ZNF423: variants seen among roughly 807,000 people sequenced by gnomAD.
ZNF423 encodes the protein Ebf-associated zinc finger protein.
In ZNF423, 12 loss-of-function variants were observed where a neutral mutation model predicts 95.8. The ratio of observed to expected loss-of-function variants is 0.13; its 90% CI spans 0.08 to 0.20. The LOEUF (loss-of-function observed/expected upper bound fraction) is 0.20, where lower values mean the gene tolerates loss of function less well. Among genes scored for constraint, ZNF423 ranks in the 10% least tolerant of loss-of-function variants. ZNF423 has a pLI of 1.00. For synonymous variants in ZNF423, 749 were observed against 711.9 expected (o/e 1.05, Z -0.83); for missense variants, 1,316 against 1,737.1 (o/e 0.76, Z 4.31).
At chr16:49,709,363 G>T (rs984083677) in intron 3 of ZNF423, among the ~76,000 whole-genome samples, 1 of 151,960 alleles carries the variant, frequency 6.6e-6, no homozygotes, top group Admixed American at 6.6e-5. Flanking sequence ...CTTCCCTGAA[G>T]CAGGGGTTCT....
Position 49,502,369 on chromosome 16 carries a change from C to T in ZNF423, c.3850-11065G>A, listed in dbSNP as rs184863150. 1.6e-4 allele frequency among the ~76,000 whole-genome samples: 25 copies of T among 152,316 alleles called. No individual in the cohort carries two copies. In the East Asian group the frequency reaches 3.3e-3, roughly 20 times the overall value. Reference sequence around the variant, plus strand: ...CATCCATATGTCCTGGGTTCTGCTGCCTCATGGGCATTCCCACCCAGCCAG... The same window carrying T: ...CATCCATATGTCCTGGGTTCTGCTGTCTCATGGGCATTCCCACCCAGCCAG... On this transcript the variant is annotated intron_variant, in intron 7 of 7. Transcript: ENST00000563137.
At chr16:49,726,202 G>A (rs371277007) in intron 3 of ZNF423, among the ~76,000 whole-genome samples, 10 of 152,200 alleles carry the variant, frequency 6.6e-5, no homozygotes, top group East Asian at 5.8e-4. Flanking sequence ...GCATGACAGC[G>A]CAGACGGAGC....
At chr16:49,552,760 G>T (rs1457711706) in intron 5 of ZNF423, among the ~76,000 whole-genome samples, 2 of 152,042 alleles carry the variant, frequency 1.3e-5, no homozygotes, top group Non-Finnish European at 2.9e-5. Context: ...CCTCACACAG[G>T]GTCCTGCCTG....
At chr16:49,548,417 C>A (rs1160772520) in intron 5 of ZNF423, among the ~76,000 whole-genome samples, 1 of 152,104 alleles carries the variant, frequency 6.6e-6, no homozygotes, top group Non-Finnish European at 1.5e-5. Context: ...ATTATGACTT[C>A]ATTCACTGAT....
intron 3 of ZNF423, among the ~76,000 whole-genome samples, chr16:49,644,338 G>C (rs1383032018): frequency 3.3e-5 from 5 of 152,020 alleles, no homozygotes; most frequent in Non-Finnish European, 7.4e-5. Context: ...TCCTGAGCTG[G>C]GCAGTTCCAT....
At chr16:49,570,459 A>G (rs992987475) in intron 5 of ZNF423, among the ~76,000 whole-genome samples, 3 of 152,208 alleles carry the variant, frequency 2.0e-5, no homozygotes, top group Admixed American at 1.3e-4. Flanking sequence ...CTTCATTTAT[A>G]TGGTGAGTTG....
In ZNF423 at chr16:49,855,143, A is replaced by AG; in HGVS notation, c.40+591dup. On this transcript the variant is annotated intron_variant, in intron 1 of 7. Coordinates refer to ENST00000563137, the MANE Select transcript of ZNF423 (RefSeq NM_001379286.1). The surrounding 1 kb of genome is among the most constrained non-coding windows in gnomAD (Gnocchi z 4.7). ...GGGAGAAGGCCTGGGCAGGGGCGGG[A>AG]GGGGGCGCCAGGCGGCCGGGGCGAG... The AG allele has an allele frequency of 1.8e-6, 1 of 547,314 alleles. No individual in the cohort carries two copies. The highest frequency in any genetic ancestry group is 2.3e-6 in the Non-Finnish European group (1 of 436,302). 33.9% of individuals were successfully genotyped at this position (547,314 alleles called of 1,614,324 possible). A position where few individuals can be genotyped will look rare whatever the true frequency, so the allele number is the denominator to read the frequency against.
chr16:49,753,281 G>A (rs947113829), intron 2 of ZNF423, among the ~76,000 whole-genome samples: 3 of 151,818 alleles, frequency 2.0e-5, no homozygotes, highest in African/African-American at 7.3e-5. Flanking sequence ...CTCAGGGGGT[G>A]ATAAATGCAA....
chr16:49,657,243 C>T (rs2029924253), intron 3 of ZNF423, among the ~76,000 whole-genome samples: 1 of 152,254 alleles, frequency 6.6e-6, no homozygotes, highest in Non-Finnish European at 1.5e-5. Flanking sequence ...AGTCAAATCC[C>T]ATCCAGGACC....
intron 2 of ZNF423, among the ~76,000 whole-genome samples, chr16:49,748,970 C>T (rs552001788): frequency 6.6e-6 from 1 of 152,282 alleles, no homozygotes; most frequent in South Asian, 2.1e-4. Flanking sequence ...TAAAGACCAG[C>T]GTGACCACAG....
intron 2 of ZNF423, among the ~76,000 whole-genome samples, chr16:49,755,111 A>C (rs2033701824): frequency 6.6e-6 from 1 of 152,134 alleles, no homozygotes; most frequent in Non-Finnish European, 1.5e-5. Flanking sequence ...GGTGGCTGGG[A>C]GCGGTCAAGC....
intron 2 of ZNF423, chr16:49,780,438 A>G (rs1428737868): frequency 6.6e-6 from 1 of 152,250 alleles, no homozygotes; most frequent in African/African-American, 2.4e-5. Context: ...CAGGGGTCCG[A>G]GTCAGGGCTG....
intron 3 of ZNF423, among the ~76,000 whole-genome samples, chr16:49,642,697 G>A (rs143768549): frequency 3.9e-5 from 6 of 152,238 alleles, no homozygotes; most frequent in African/African-American, 1.2e-4. Context: ...TTTTGCTTTG[G>A]GGGGACTTAG....
intron 2 of ZNF423, among the ~76,000 whole-genome samples, chr16:49,789,236 C>G (rs2034369561): frequency 6.6e-6 from 1 of 152,160 alleles, no homozygotes; most frequent in Non-Finnish European, 1.5e-5. Flanking sequence ...AATCACTGCC[C>G]ATCTGAACTG....
chr16:49,690,728 G>C (rs78005923), intron 3 of ZNF423, among the ~76,000 whole-genome samples: 1 of 152,214 alleles, frequency 6.6e-6, no homozygotes, highest in African/African-American at 2.4e-5. Flanking sequence ...CCCGACAGGC[G>C]GTGCCTCCTG....
intron 1 of ZNF423, among the ~76,000 whole-genome samples, chr16:49,835,132 G>A (rs1371875637): frequency 6.6e-6 from 1 of 152,030 alleles, no homozygotes; most frequent in Non-Finnish European, 1.5e-5. Flanking sequence ...CCTGGCCTTG[G>A]GGGGCTCCCT....
At chr16:49,694,008 T>C (rs867702354) in intron 3 of ZNF423, among the ~76,000 whole-genome samples, 2 of 152,206 alleles carry the variant, frequency 1.3e-5, no homozygotes, top group Non-Finnish European at 1.5e-5. Context: ...AAGCTCATAG[T>C]CAGTGTCAAT....
chr16:49,721,936 CA>C (rs1410334237), intron 3 of ZNF423, among the ~76,000 whole-genome samples: 1 of 152,152 alleles, frequency 6.6e-6, no homozygotes, highest in Admixed American at 6.5e-5. Flanking sequence ...GGGAGGTTTA[CA>C]GGCCCAACAG....
At chr16:49,647,491 G>A (rs1213736092) in intron 3 of ZNF423, among the ~76,000 whole-genome samples, 1 of 152,226 alleles carries the variant, frequency 6.6e-6, no homozygotes, top group Non-Finnish European at 1.5e-5. Context: ...AAAATAAAGA[G>A]ATTATCCTGG....
Sources: allele counts gnomAD v4.1 joint callset (sites outside exome capture counted in the v4.1 genomes callset), GRCh38; gene constraint gnomAD v4.1.1; non-coding constraint Gnocchi (gnomAD v3.1); transcripts MANE v1.5; gene names NCBI Gene and HGNC (gene_info 2026-07-23, HGNC 2026-07-21).